Variants in HNMT observed in about 807,000 individuals in gnomAD.
HNMT encodes histamine N-methyltransferase.
A neutral mutation model predicts 32.1 loss-of-function variants in HNMT; 30 were observed. The observed-to-expected ratio is 0.93, with a 90% confidence interval of 0.70 to 1.27. The LOEUF (loss-of-function observed/expected upper bound fraction) is 1.27. HNMT is among the 50% of genes most tolerant of loss of function. The pLI, the probability that HNMT is intolerant of heterozygous loss-of-function variation, is 0.00. For missense variants in HNMT, 327 were observed against 346.0 expected, an observed-to-expected ratio of 0.95 and a Z score of 0.43; for synonymous variants, 125 against 119.0, an observed-to-expected ratio of 1.05 and a Z score of -0.33.
intron 2 of HNMT, among the ~76,000 whole-genome samples, chr2:137,991,438 C>G (rs1192792680): frequency 6.6e-6 from 1 of 152,200 alleles, no homozygotes; most frequent in Non-Finnish European, 1.5e-5. Flanking sequence ...TGGGACAGGA[C>G]CTCCTCTGAA....
chr2:137,991,696 A>G (rs896833479), intron 2 of HNMT: 8 of 152,236 alleles, frequency 5.3e-5, no homozygotes, highest in Admixed American at 4.6e-4. Context: ...AGATACATAT[A>G]TGTATGTAAA....
intron 2 of HNMT, among the ~76,000 whole-genome samples, chr2:137,981,952 C>T (rs1286550489): frequency 2.0e-5 from 3 of 152,164 alleles, no homozygotes; most frequent in African/African-American, 7.2e-5. Context: ...CTCTCAGGCT[C>T]ATGTGATTCT....
At chr2:137,981,672 T>C (rs1051821010) in intron 2 of HNMT, 2 of 374,244 alleles carry the variant, frequency 5.3e-6, no homozygotes, top group Non-Finnish European at 9.8e-6. Flanking sequence ...TGAACTGTGG[T>C]AAATTATCTC....
At chr2:137,967,128 T>C (rs1416361994) in intron 1 of HNMT, 1 of 779,628 alleles carries the variant, frequency 1.3e-6, no homozygotes, top group African/African-American at 1.7e-5. Context: ...AATAAAATAC[T>C]GGCCAGATGT....
At chr2:137,981,196 C>G (rs1452032547) in intron 2 of HNMT, 1 of 1,611,146 alleles carries the variant, frequency 6.2e-7, no homozygotes, top group East Asian at 2.2e-5. Context: ...TCTTTAATCC[C>G]CTATTTTCTT....
At chr2:137,973,246 A>G (rs1680187608) in intron 2 of HNMT, among the ~76,000 whole-genome samples, 1 of 152,196 alleles carries the variant, frequency 6.6e-6, no homozygotes, top group African/African-American at 2.4e-5. Flanking sequence ...TTGAGGGGAA[A>G]GGACACTCTA....
At chr2:137,972,506 A>G (rs978009895) in intron 2 of HNMT, among the ~76,000 whole-genome samples, 8 of 152,212 alleles carry the variant, frequency 5.3e-5, no homozygotes, top group African/African-American at 1.7e-4. Flanking sequence ...TTACTTTATT[A>G]TCATCTTTCA....
chr2:137,989,050 A>T (rs966087272), intron 2 of HNMT, among the ~76,000 whole-genome samples: 1 of 152,180 alleles, frequency 6.6e-6, no homozygotes, highest in African/African-American at 2.4e-5. Context: ...CAGAATTACA[A>T]TCTGCTACAA....
At position 137,995,556 on chromosome 2, in the gene HNMT, G is replaced by A. The variant is rs555463427; in HGVS notation, c.191-5362G>A. Among the ~76,000 whole-genome samples, 20 of 152,308 alleles carry A rather than the reference G, an allele frequency of 1.3e-4. 1 individual carries two copies. The South Asian group carries it at 2.3e-3, about 17-fold the overall frequency. The stretch of plus-strand genomic sequence containing the variant: ...ACCAACCAAAGAAAGCCCAGGACCA[G>A]ATGGATTCACAGCTGAGTCCTACCA... On this transcript the variant is annotated intron_variant, in intron 2 of 5. Transcript: ENST00000280097.
chr2:137,978,269 CGT>C (rs1680346401), intron 2 of HNMT, among the ~76,000 whole-genome samples: 1 of 148,418 alleles, frequency 6.7e-6, no homozygotes, highest in Non-Finnish European at 1.5e-5. Flanking sequence ...TATTTATATA[CGT>C]ATATATTAAC....
intron 2 of HNMT, among the ~76,000 whole-genome samples, chr2:137,975,225 C>A (rs1680253200): frequency 6.6e-6 from 1 of 151,946 alleles, no homozygotes; most frequent in Admixed American, 6.6e-5. Context: ...TGTGCTTTTT[C>A]CAAAGAGGTG....
At chr2:137,989,504 G>A (rs944192438) in intron 2 of HNMT, among the ~76,000 whole-genome samples, 1 of 152,150 alleles carries the variant, frequency 6.6e-6, no homozygotes, top group Admixed American at 6.5e-5. Flanking sequence ...TATGCTGAAG[G>A]ACACATCTTG....
intron 5 of HNMT, among the ~76,000 whole-genome samples, chr2:138,013,265 T>C (rs765300422): frequency 6.6e-6 from 1 of 152,056 alleles, no homozygotes; most frequent in African/African-American, 2.4e-5. Flanking sequence ...GGTTTCCCAT[T>C]GGGCCCCAAG....
intron 2 of HNMT, among the ~76,000 whole-genome samples, chr2:137,978,981 T>C (rs1485808812): frequency 7.1e-6 from 1 of 141,186 alleles, no homozygotes; most frequent in African/African-American, 2.6e-5. Context: ...ATATATAATA[T>C]ATATAATTGG....
rs1035475754 is a variant in HNMT at position 138,016,309 on chromosome 2, A to T, written c.*2179A>T. ...CTTGTGTGTTCATATTATTATTATA[A>T]ACAGAGCTCAAGAAACCCAATAAAG... is the stretch of plus-strand genomic sequence containing the variant. On this transcript the variant is annotated 3_prime_UTR_variant, in exon 6 of 6. Transcript: ENST00000280097. The T allele has an allele frequency of 6.6e-6, 1 of 152,172 alleles. No individual in the cohort carries two copies. The highest frequency in any genetic ancestry group is 6.6e-5 in the Admixed American group (1 of 15,254). 9.4% of individuals were successfully genotyped at this position (152,172 alleles called of 1,614,324 possible).
At chr2:137,987,445 C>G (rs192014615) in intron 2 of HNMT, among the ~76,000 whole-genome samples, 1 of 152,154 alleles carries the variant, frequency 6.6e-6, no homozygotes, top group East Asian at 1.9e-4. Context: ...TTATTTGACT[C>G]AAGTCTAGTT....
chr2:137,968,439 C>A (rs1680025436), intron 1 of HNMT, among the ~76,000 whole-genome samples: 1 of 152,138 alleles, frequency 6.6e-6, no homozygotes, highest in Admixed American at 6.5e-5. Context: ...TGTGCAGATA[C>A]ATTTCTAAGA....
chr2:138,016,291 G>T lies in HNMT; in HGVS notation c.*2161G>T, dbSNP rs1462450997. ...CAAACATTTATCTTATACCTTGTGT[G>T]TTCATATTATTATTATAAACAGAGC... On this transcript the variant is annotated 3_prime_UTR_variant, in exon 6 of 6. Transcript: ENST00000280097. 6.6e-6 allele frequency: 1 copy of T among 152,066 alleles called. No individual in the cohort carries two copies. Among genetic ancestry groups the T allele is most frequent in the South Asian group, 2.1e-4 (1 of 4,828 alleles). The allele number at this position is 152,066 out of a possible 1,614,324, so 9.4% of individuals were successfully genotyped here. A position where few individuals can be genotyped will look rare whatever the true frequency, so the allele number is the denominator to read the frequency against.
intron 5 of HNMT, among the ~76,000 whole-genome samples, chr2:138,010,484 G>A (rs2604460): frequency 3.5e-5 from 4 of 115,128 alleles, no homozygotes; most frequent in South Asian, 3.3e-4. Flanking sequence ...CACACACACA[G>A]CAAATGGAAG....
Sources: allele counts gnomAD v4.1 joint callset (sites outside exome capture counted in the v4.1 genomes callset), GRCh38; gene constraint gnomAD v4.1.1; transcripts MANE v1.5; gene names NCBI Gene and HGNC (gene_info 2026-07-23, HGNC 2026-07-21).